Variants in MACROD2 observed in about 807,000 individuals in gnomAD.
MACROD2 encodes ADP-ribose glycohydrolase MACROD2.
MACROD2 carries 36 observed loss-of-function variants against 70.4 expected under a neutral mutation model. The observed-to-expected ratio is 0.51, with a 90% CI of 0.39 to 0.68. MACROD2 has a LOEUF of 0.68. MACROD2 is among the 30% of genes least tolerant of loss of function. The probability of loss-of-function intolerance (pLI) is 0.00; values close to 1 mark genes in which losing one functional copy is unlikely to be tolerated. For synonymous variants in MACROD2, 172 were observed against 178.8 expected, an observed-to-expected ratio of 0.96 and a Z score of 0.30; for missense variants, 496 against 538.4, an observed-to-expected ratio of 0.92 and a Z score of 0.78.
intron 5 of MACROD2, among the ~76,000 whole-genome samples, chr20:15,168,594 A>G (rs1568613770): frequency 6.6e-6 from 1 of 152,130 alleles, no homozygotes; most frequent in Non-Finnish European, 1.5e-5. Flanking sequence ...CATTATTCAC[A>G]AAGGCCAAAA....
intron 3 of MACROD2, among the ~76,000 whole-genome samples, chr20:14,136,230 A>C (rs1202100880): frequency 6.6e-6 from 1 of 152,194 alleles, no homozygotes; most frequent in Non-Finnish European, 1.5e-5. Flanking sequence ...TTTATTAAAA[A>C]AAACAACTCA....
chr20:15,354,475 A>C (rs2078264181), intron 6 of MACROD2, among the ~76,000 whole-genome samples: 1 of 152,192 alleles, frequency 6.6e-6, no homozygotes, highest in Admixed American at 6.5e-5. Flanking sequence ...CATTGTGCAC[A>C]TGTACCCTAA....
At chr20:14,942,764 GAGCCTAAA>G (rs112638903) in intron 5 of MACROD2, among the ~76,000 whole-genome samples, 71,731 of 151,404 alleles carry the variant, frequency 0.47, 18,007 homozygotes, top group African/African-American at 0.63. Flanking sequence ...TTATGCATAT[GAGCCTAAA>G]AGCCTAAATT....
chr20:14,881,990 A>G (rs2073616115), intron 5 of MACROD2, among the ~76,000 whole-genome samples: 1 of 152,210 alleles, frequency 6.6e-6, no homozygotes. Flanking sequence ...TAAAAAGACA[A>G]TTAACTCTTG....
chr20:14,563,930 A>C (rs569811703), intron 4 of MACROD2, among the ~76,000 whole-genome samples: 6 of 151,950 alleles, frequency 3.9e-5, no homozygotes, highest in Non-Finnish European at 5.9e-5. Context: ...GTGGTGTTAC[A>C]TTACTTGACT....
At chr20:15,692,878 C>A (rs2050315917) in intron 8 of MACROD2, among the ~76,000 whole-genome samples, 1 of 152,140 alleles carries the variant, frequency 6.6e-6, no homozygotes, top group African/African-American at 2.4e-5. Flanking sequence ...AGGGAGGAGC[C>A]TGGTGGGAGG....
At chr20:16,043,539 G>C (rs912020887) in intron 16 of MACROD2, among the ~76,000 whole-genome samples, 12 of 152,062 alleles carry the variant, frequency 7.9e-5, no homozygotes, top group African/African-American at 2.9e-4. Flanking sequence ...TTTAGAGTGA[G>C]TGCTATGCCT....
At chr20:15,433,387 T>C (rs1290847599) in intron 7 of MACROD2, among the ~76,000 whole-genome samples, 1 of 137,144 alleles carries the variant, frequency 7.3e-6, no homozygotes, top group African/African-American at 2.8e-5. Flanking sequence ...CAGAAATCAG[T>C]AGCACTGCTA....
chr20:15,658,296 T>C (rs977143936), intron 8 of MACROD2, among the ~76,000 whole-genome samples: 1 of 151,598 alleles, frequency 6.6e-6, no homozygotes, highest in African/African-American at 2.4e-5. Flanking sequence ...GCGGGAAACC[T>C]GTTGGATATT....
At chr20:15,528,158 CAG>C (rs1055226679) in intron 8 of MACROD2, among the ~76,000 whole-genome samples, 7 of 151,934 alleles carry the variant, frequency 4.6e-5, no homozygotes, top group Non-Finnish European at 8.8e-5. Context: ...TTATTTGAGA[CAG>C]AGTCTTGCTC....
chr20:14,281,933 C>CAAAAAAAAA (rs571115190), intron 3 of MACROD2, among the ~76,000 whole-genome samples: 2 of 96,572 alleles, frequency 2.1e-5, no homozygotes, highest in Non-Finnish European at 3.8e-5. Context: ...GACTCCCTCT[C>CAAAAAAAAA]AAAAAAAAAA....
chr20:15,833,042 A>C (rs138616346), intron 8 of MACROD2, among the ~76,000 whole-genome samples: 61 of 152,304 alleles, frequency 4.0e-4, no homozygotes, highest in African/African-American at 1.3e-3. Flanking sequence ...TTTCAGTGTA[A>C]AATTATCTGG....
intron 3 of MACROD2, among the ~76,000 whole-genome samples, chr20:14,114,722 A>G (rs962051887): frequency 1.3e-5 from 2 of 152,184 alleles, no homozygotes; most frequent in Non-Finnish European, 2.9e-5. Context: ...AATTTCTTAT[A>G]ATTTCTCAAA....
At chr20:15,840,292 C>T (rs1042989707) in intron 8 of MACROD2, among the ~76,000 whole-genome samples, 18 of 152,160 alleles carry the variant, frequency 1.2e-4, no homozygotes, top group Non-Finnish European at 1.9e-4. Flanking sequence ...TTATTTCCCA[C>T]CACATCTTCA....
chr20:15,312,860 T>C (rs1304547961), intron 6 of MACROD2, among the ~76,000 whole-genome samples: 6 of 152,186 alleles, frequency 3.9e-5, no homozygotes, highest in African/African-American at 1.4e-4. Context: ...TGTATGTATA[T>C]GTGATACACT....
chr20:14,389,143 G>A (rs2083498514), intron 3 of MACROD2, among the ~76,000 whole-genome samples: 3 of 152,010 alleles, frequency 2.0e-5, no homozygotes, highest in Admixed American at 6.6e-5. Flanking sequence ...GCCTTCCAAA[G>A]TGCTGGGATT....
chr20:15,331,536 AAAAG>A (rs2077992512), intron 6 of MACROD2, among the ~76,000 whole-genome samples: 1 of 151,732 alleles, frequency 6.6e-6, no homozygotes, highest in Admixed American at 6.6e-5. Flanking sequence ...TAAAAATTAA[AAAAG>A]AAAAGAAAAT....
At chr20:15,978,042 C>T (rs1048213422) in intron 13 of MACROD2, among the ~76,000 whole-genome samples, 2 of 152,210 alleles carry the variant, frequency 1.3e-5, no homozygotes, top group Admixed American at 1.3e-4. Context: ...GATTCACTTA[C>T]ATCTTCTAGG....
At chr20:15,973,184 T>G (rs1248879638) in intron 13 of MACROD2, among the ~76,000 whole-genome samples, 1 of 152,150 alleles carries the variant, frequency 6.6e-6, no homozygotes, top group Admixed American at 6.5e-5. Flanking sequence ...ATTTAATTGA[T>G]ATCTCTATAT....
Sources: allele counts gnomAD v4.1 joint callset (sites outside exome capture counted in the v4.1 genomes callset), GRCh38; gene constraint gnomAD v4.1.1; transcripts MANE v1.5; gene names NCBI Gene and HGNC (gene_info 2026-07-23, HGNC 2026-07-21).